Variants in STXBP5 observed in about 807,000 individuals in gnomAD.
The protein encoded by STXBP5 is syntaxin binding protein 5, also known as syntaxin-binding protein 5.
Under a neutral mutation model 152.4 loss-of-function variants are expected in STXBP5, and 50 were observed. The ratio of observed to expected loss-of-function variants is 0.33; its 90% CI spans 0.26 to 0.42. The LOEUF is 0.42. Among genes scored for constraint, STXBP5 ranks in the 10% least tolerant of loss-of-function variants. The pLI, the probability that STXBP5 is intolerant of heterozygous loss-of-function variation, is 1.00. For synonymous variants in STXBP5, 492 were observed against 494.7 expected (o/e 0.99, Z 0.07); for missense variants, 1,167 against 1,388.6 (o/e 0.84, Z 2.54).
intron 27 of STXBP5, 133 bp from the exon 28 acceptor site, chr6:147,384,581 T>C (rs916187633): frequency 2.3e-6 from 2 of 858,358 alleles, no homozygotes; most frequent in Admixed American, 2.5e-5. Flanking sequence ...TTTTAATAAG[T>C]TGAAGTAAGC....
intron 22 of STXBP5, among the ~76,000 whole-genome samples, chr6:147,354,849 T>C (rs890082973): frequency 6.6e-6 from 1 of 152,178 alleles, no homozygotes; most frequent in Non-Finnish European, 1.5e-5. Flanking sequence ...CCTGTAACAT[T>C]CCTGTGTTGC....
At chr6:147,286,403 G>T (rs937633693) in intron 8 of STXBP5, among the ~76,000 whole-genome samples, 1 of 152,126 alleles carries the variant, frequency 6.6e-6, no homozygotes, top group African/African-American at 2.4e-5. Flanking sequence ...TAATATGGGT[G>T]ATATTTCATA....
intron 3 of STXBP5, 44 bp downstream of exon 3, chr6:147,235,375 G>A (rs537284684): frequency 1.3e-6 from 2 of 1,487,086 alleles, no homozygotes; most frequent in South Asian, 2.3e-5. Context: ...TCCAAAATAG[G>A]GCCACTTCTA....
At chr6:147,238,485 G>A (rs969032739) in intron 3 of STXBP5, among the ~76,000 whole-genome samples, 1 of 152,132 alleles carries the variant, frequency 6.6e-6, no homozygotes, top group Non-Finnish European at 1.5e-5. Context: ...AACATGATGC[G>A]TTTTGGCATT....
At chr6:147,304,883 G>T (rs770235120) in intron 9 of STXBP5, among the ~76,000 whole-genome samples, 1 of 152,116 alleles carries the variant, frequency 6.6e-6, no homozygotes, top group South Asian at 2.1e-4. Context: ...TGGAATGGGA[G>T]AAATTGGAAT....
intron 10 of STXBP5, among the ~76,000 whole-genome samples, chr6:147,310,754 AGTT>A (rs1194863391): frequency 1.3e-5 from 2 of 152,114 alleles, no homozygotes; most frequent in African/African-American, 4.8e-5. Context: ...AGGAAACCTC[AGTT>A]TGTGCTTTTA....
intron 8 of STXBP5, among the ~76,000 whole-genome samples, chr6:147,290,138 G>A (rs1207299918): frequency 3.3e-5 from 5 of 152,162 alleles, no homozygotes; most frequent in Admixed American, 3.3e-4. Context: ...AGCCCAGGAG[G>A]TTGAAGCTGA....
At chr6:147,340,623 A>G (rs1250063086) in intron 21 of STXBP5, among the ~76,000 whole-genome samples, 1 of 152,108 alleles carries the variant, frequency 6.6e-6, no homozygotes, top group Non-Finnish European at 1.5e-5. Context: ...TTACTAAACA[A>G]CTTTAAGAAT....
At chr6:147,255,776 A>G (rs1350539813) in intron 4 of STXBP5, among the ~76,000 whole-genome samples, 1 of 152,230 alleles carries the variant, frequency 6.6e-6, no homozygotes, top group East Asian at 1.9e-4. Flanking sequence ...GGCCTCCCAC[A>G]GTGCTGGAAT....
At chr6:147,243,693 A>G (rs183117592) in intron 4 of STXBP5, among the ~76,000 whole-genome samples, 9 of 152,280 alleles carry the variant, frequency 5.9e-5, no homozygotes, top group African/African-American at 2.2e-4. Flanking sequence ...GTTATGTTGT[A>G]GAAGTTTTAG....
chr6:147,319,865 A>G (rs950458397), intron 16 of STXBP5, among the ~76,000 whole-genome samples: 2 of 117,614 alleles, frequency 1.7e-5, no homozygotes, highest in African/African-American at 6.7e-5. Flanking sequence ...TTAAAGAGAC[A>G]GGGTCTCGCT....
intron 9 of STXBP5, among the ~76,000 whole-genome samples, chr6:147,306,237 C>G (rs1267090590): frequency 6.6e-6 from 1 of 152,118 alleles, no homozygotes; most frequent in Non-Finnish European, 1.5e-5. Context: ...TGACAAGCAC[C>G]TTGGGGTACC....
At chr6:147,353,721 T>C (rs1320244516) in intron 22 of STXBP5, among the ~76,000 whole-genome samples, 2 of 152,192 alleles carry the variant, frequency 1.3e-5, no homozygotes. Flanking sequence ...TTGAACTTTA[T>C]AAAATTATTT....
At chr6:147,342,280 A>C (rs1179150956) in intron 21 of STXBP5, among the ~76,000 whole-genome samples, 2 of 152,178 alleles carry the variant, frequency 1.3e-5, no homozygotes, top group African/African-American at 2.4e-5. Context: ...CAAAGACTAG[A>C]CTCAAAGGAA....
At chr6:147,383,635 CT>C (rs1243077029) in intron 27 of STXBP5, among the ~76,000 whole-genome samples, 1 of 152,054 alleles carries the variant, frequency 6.6e-6, no homozygotes, top group Non-Finnish European at 1.5e-5. Context: ...ACAGGCCTGC[CT>C]TTCCTTGGTG....
intron 4 of STXBP5, among the ~76,000 whole-genome samples, chr6:147,240,123 G>A (rs1778468547): frequency 1.3e-5 from 2 of 151,928 alleles, no homozygotes; most frequent in South Asian, 4.1e-4. Context: ...TGTATTTTTA[G>A]TAGAGACGGG....
intron 23 of STXBP5, 139 bp downstream of exon 23, chr6:147,359,462 T>C (rs1404700058): frequency 1.9e-6 from 2 of 1,043,224 alleles, no homozygotes; most frequent in African/African-American, 3.2e-5. Context: ...TATTTATTTA[T>C]TTTTTTAATT....
chr6:147,220,547 T>C (rs574571942), intron 2 of STXBP5, among the ~76,000 whole-genome samples: 2 of 152,296 alleles, frequency 1.3e-5, no homozygotes, highest in South Asian at 4.1e-4. Flanking sequence ...TCATATATTT[T>C]GACACTCTGT....
rs116104433 is a variant in STXBP5, at chr6:147,289,681, T to G, written c.839-1413T>G. ...AGAAGTATACATGACCAGTTAGGGA[T>G]CCAAACACATCAGATTAAAATAAGT... On this transcript the variant is annotated intron_variant, in intron 8 of 27. Coordinates refer to ENST00000321680, the MANE Select transcript of STXBP5 (RefSeq NM_001127715.4). 8.1e-3 allele frequency among the ~76,000 whole-genome samples: 1,233 copies of G among 151,756 alleles called. 18 individuals carry two copies. Among genetic ancestry groups the G allele is most frequent in the African/African-American group, 0.029 (1,183 of 41,338 alleles).
Sources: gnomAD v4.1 joint callset for allele counts (sites outside exome capture counted in the v4.1 genomes callset) on GRCh38, gnomAD v4.1.1 for gene constraint, MANE v1.5 for transcripts, NCBI Gene and HGNC (gene_info 2026-07-23, HGNC 2026-07-21) for gene names.